GSG1L: variants seen among roughly 807,000 people sequenced by gnomAD.
GSG1L encodes the protein germ cell-specific gene 1-like protein.
Under a neutral mutation model 42.1 loss-of-function variants are expected in GSG1L, and 24 were observed. The observed-to-expected ratio is 0.57, with a 90% CI of 0.41 to 0.80. The LOEUF (loss-of-function observed/expected upper bound fraction) is 0.80. GSG1L is among the 30% of genes least tolerant of loss of function. The pLI, the probability that GSG1L is intolerant of heterozygous loss-of-function variation, is 0.00. For synonymous variants in GSG1L, 215 were observed against 203.5 expected (o/e 1.06, Z -0.48); for missense variants, 445 against 472.2 (o/e 0.94, Z 0.53).
chr16:27,936,097 T>C (rs1224788490), intron 2 of GSG1L, among the ~76,000 whole-genome samples: 2 of 151,654 alleles, frequency 1.3e-5, no homozygotes, highest in African/African-American at 2.4e-5. Context: ...TTCAGGGCAC[T>C]AAGCCTTTCC....
At chr16:27,939,900 C>T (rs1367170693) in intron 2 of GSG1L, among the ~76,000 whole-genome samples, 5 of 152,164 alleles carry the variant, frequency 3.3e-5, no homozygotes, top group Admixed American at 6.5e-5. Context: ...GGGCTGGTCT[C>T]GAGCTCCTGG....
At chr16:27,940,462 A>G (rs2084776319) in intron 2 of GSG1L, among the ~76,000 whole-genome samples, 2 of 145,514 alleles carry the variant, frequency 1.4e-5, no homozygotes, top group African/African-American at 5.1e-5. Flanking sequence ...TCAAATGTCC[A>G]ACAATAATAG....
At chr16:28,049,449 G>A (rs2086199159) in intron 1 of GSG1L, among the ~76,000 whole-genome samples, 2 of 151,948 alleles carry the variant, frequency 1.3e-5, no homozygotes. Flanking sequence ...GGGAGGCCAA[G>A]GCAGGAGGAT....
chr16:28,002,774 C>CA (rs753093273), intron 1 of GSG1L, among the ~76,000 whole-genome samples: 7,303 of 133,034 alleles, frequency 0.055, 244 homozygotes, highest in African/African-American at 0.1. Flanking sequence ...ACTAAAAATA[C>CA]AAAAAAAAAA....
intron 5 of GSG1L, among the ~76,000 whole-genome samples, chr16:27,823,581 C>A (rs2083172827): frequency 6.6e-6 from 1 of 152,100 alleles, no homozygotes; most frequent in Non-Finnish European, 1.5e-5. Context: ...GAAATGGGCT[C>A]CAGAAAGCCC....
chr16:28,043,904 C>A (rs527245907), intron 1 of GSG1L, among the ~76,000 whole-genome samples: 1 of 152,026 alleles, frequency 6.6e-6, no homozygotes, highest in South Asian at 2.1e-4. Context: ...TGCCTGTAGT[C>A]CCAGCTACTC....
intron 1 of GSG1L, among the ~76,000 whole-genome samples, chr16:27,993,024 A>C (rs929724857): frequency 2.0e-5 from 3 of 152,206 alleles, no homozygotes; most frequent in African/African-American, 7.2e-5. Context: ...TAATTCTCAT[A>C]ATAACTATAT....
intron 1 of GSG1L, among the ~76,000 whole-genome samples, chr16:28,033,952 C>T (rs553005962): frequency 6.6e-5 from 10 of 152,248 alleles, no homozygotes; most frequent in East Asian, 5.8e-4. Flanking sequence ...GAGTCCACAG[C>T]GCACACACAC....
chr16:28,034,953 G>A (rs1418168554), intron 1 of GSG1L, among the ~76,000 whole-genome samples: 2 of 152,166 alleles, frequency 1.3e-5, no homozygotes, highest in Admixed American at 6.5e-5. Context: ...GGAGAGAGGA[G>A]TGCCTAGCAC....
intron 1 of GSG1L, among the ~76,000 whole-genome samples, chr16:28,015,305 A>T (rs1342768793): frequency 2.6e-5 from 4 of 152,152 alleles, no homozygotes; most frequent in African/African-American, 9.7e-5. Flanking sequence ...GGAGTTTGGG[A>T]CCAGCCTGGG....
At chr16:27,923,214 G>A (rs1008320608) in intron 2 of GSG1L, among the ~76,000 whole-genome samples, 4 of 152,048 alleles carry the variant, frequency 2.6e-5, no homozygotes, top group African/African-American at 9.7e-5. Context: ...TGCTGCTCCC[G>A]GCCAGGATCA....
chr16:27,902,511 G>A (rs2084271736), intron 2 of GSG1L, among the ~76,000 whole-genome samples: 2 of 152,204 alleles, frequency 1.3e-5, no homozygotes, highest in African/African-American at 2.4e-5. Context: ...CAGACCCCGC[G>A]GGTGCCGATG....
Position 27,869,235 on chromosome 16 carries a change from G to A in GSG1L, c.550+15251C>T, listed in dbSNP as rs368233602. ...GGTGAGTGGAAGTTATGGAGGTGGA[G>A]AGAACAGAAGAAGGAGGGCCTTCAA... On this transcript the variant is annotated intron_variant, in intron 3 of 6. Transcript: ENST00000447459. Among the ~76,000 whole-genome samples, 6 of 151,490 alleles carry A rather than the reference G, an allele frequency of 4.0e-5. 1 individual carries two copies. In the East Asian group the frequency reaches 5.8e-4, roughly 15 times the overall value.
chr16:27,807,293 C>A (rs917014133), intron 6 of GSG1L, among the ~76,000 whole-genome samples, 194 bp downstream of exon 6: 1 of 152,164 alleles, frequency 6.6e-6, no homozygotes, highest in Non-Finnish European at 1.5e-5. Context: ...GACTGGGAAG[C>A]CTGTGGGGAG....
At chr16:27,902,572 G>T (rs114922571) in intron 2 of GSG1L, among the ~76,000 whole-genome samples, 2,075 of 152,124 alleles carry the variant, frequency 0.014, 52 homozygotes, top group African/African-American at 0.043. Context: ...GGAGAGGGGG[G>T]GCCGCTGGTG....
At chr16:28,016,854 C>G (rs1379369777) in intron 1 of GSG1L, among the ~76,000 whole-genome samples, 1 of 152,226 alleles carries the variant, frequency 6.6e-6, no homozygotes, top group Non-Finnish European at 1.5e-5. Context: ...CATCAGAGCC[C>G]TGAGAGTCCT....
chr16:27,888,709 C>T (rs1389361317), intron 2 of GSG1L, among the ~76,000 whole-genome samples: 4 of 151,680 alleles, frequency 2.6e-5, no homozygotes, highest in African/African-American at 9.7e-5. Flanking sequence ...CCTCCATCTC[C>T]CAGGTTCAAG....
intron 2 of GSG1L, among the ~76,000 whole-genome samples, chr16:27,939,948 C>A (rs1179531818): frequency 6.6e-6 from 1 of 152,068 alleles, no homozygotes; most frequent in Non-Finnish European, 1.5e-5. Context: ...CCCAAAGTGC[C>A]GGGATTACAG....
intron 3 of GSG1L, among the ~76,000 whole-genome samples, chr16:27,846,692 T>C (rs1174724027): frequency 2.6e-5 from 4 of 152,282 alleles, no homozygotes; most frequent in East Asian, 1.9e-4. Flanking sequence ...CGGTGGCTCA[T>C]GCCTGTAATC....
Sources: allele counts gnomAD v4.1 joint callset (sites outside exome capture counted in the v4.1 genomes callset), GRCh38; gene constraint gnomAD v4.1.1; transcripts MANE v1.5; gene names NCBI Gene and HGNC (gene_info 2026-07-23, HGNC 2026-07-21).